Variants in GPR55 observed in about 807,000 individuals in gnomAD.
GPR55 encodes the protein G-protein coupled receptor 55.
Under a neutral mutation model 7.9 loss-of-function variants are expected in GPR55, and 6 were observed. The observed-to-expected ratio is 0.76, with a 90% confidence interval of 0.41 to 1.49. GPR55 has a LOEUF of 1.49. Among genes scored for constraint, GPR55 ranks in the 40% most tolerant of loss-of-function variants. GPR55 has a pLI of 0.01. For missense variants in GPR55, 376 were observed against 406.0 expected (o/e 0.93, Z 0.63); for synonymous variants, 183 against 166.8 (o/e 1.10, Z -0.75).
At chr2:230,932,884 C>G (rs2125062391) in intron 1 of GPR55, among the ~76,000 whole-genome samples, 1 of 152,210 alleles carries the variant, frequency 6.6e-6, no homozygotes, top group South Asian at 2.1e-4. Context: ...CTCTCTCTCT[C>G]TTGCATGCGC....
rs1476651458 is a variant in GPR55, at chr2:230,910,640, C to T, written c.323G>A (p.Ser108Asn). ...GCTGATGAAGCAGATGGTGAAGACG[C>T]TTCCGTACATGCTGACGAAGTAAAG... ...ECLYFVSMYG[S>N]VFTICFISMD... The change falls in exon 2 of 2, where the codon AGC becomes AAC. Residue 108 changes from serine to asparagine, a missense_variant. By Grantham distance (46) the Ser-to-Asn change is conservative. Coordinates refer to ENST00000650999, the MANE Select transcript of GPR55 (RefSeq NM_005683.4). The surrounding 1 kb of genome is among the most constrained non-coding windows in gnomAD (Gnocchi z 5.4). 4 of 1,613,958 alleles carry T rather than the reference C, an allele frequency of 2.5e-6. No homozygotes were observed. The East Asian group carries it at 6.7e-5, about 27-fold the overall frequency.
At chr2:230,914,834 A>G (rs1690673520) in intron 1 of GPR55, among the ~76,000 whole-genome samples, 1 of 152,218 alleles carries the variant, frequency 6.6e-6, no homozygotes, top group Non-Finnish European at 1.5e-5. Context: ...AGATGCTAAG[A>G]CAATGCTAGA....
intron 1 of GPR55, among the ~76,000 whole-genome samples, chr2:230,945,438 G>A (rs1691298440): frequency 6.6e-6 from 1 of 152,158 alleles, no homozygotes; most frequent in South Asian, 2.1e-4. Context: ...AAAAAGGGGT[G>A]ACTTGGAAAG....
intron 1 of GPR55, among the ~76,000 whole-genome samples, chr2:230,913,870 A>G (rs933130523): frequency 6.6e-6 from 1 of 152,244 alleles, no homozygotes; most frequent in Non-Finnish European, 1.5e-5. Context: ...AAGACCAGAA[A>G]CAGCAGAAAA....
At chr2:230,926,721 G>A (rs1259502269), upstream of GPR55, among the ~76,000 whole-genome samples, 4 of 123,440 alleles carry the variant, frequency 3.2e-5, no homozygotes, top group East Asian at 4.8e-4. Context: ...ACAGAGTCTC[G>A]CTCTGTTGCC....
intron 1 of GPR55, among the ~76,000 whole-genome samples, chr2:230,937,727 G>T (rs1691154753): frequency 6.6e-6 from 1 of 151,982 alleles, no homozygotes; most frequent in African/African-American, 2.4e-5. Flanking sequence ...TCTTGCCCTG[G>T]CTCATTCAAA....
upstream of GPR55, among the ~76,000 whole-genome samples, chr2:230,929,378 A>G (rs543343491): frequency 6.6e-6 from 1 of 152,276 alleles, no homozygotes; most frequent in East Asian, 1.9e-4. Context: ...AAGTGGGCCC[A>G]TGGTGGCTGA....
chr2:230,939,948 G>A (rs531690112), intron 1 of GPR55, among the ~76,000 whole-genome samples: 2 of 144,966 alleles, frequency 1.4e-5, no homozygotes, highest in South Asian at 2.1e-4. Context: ...TGGCGGGGGC[G>A]GGGACAGCTA....
chr2:230,950,064 G>A (rs572439908), intron 1 of GPR55, among the ~76,000 whole-genome samples: 4 of 152,310 alleles, frequency 2.6e-5, no homozygotes, highest in Middle Eastern at 3.4e-3. Flanking sequence ...GCCTGACATC[G>A]TGATCCACCC....
intron 1 of GPR55, among the ~76,000 whole-genome samples, chr2:230,936,581 A>G (rs553342680): frequency 4.4e-4 from 67 of 152,322 alleles, no homozygotes; most frequent in African/African-American, 1.5e-3. Context: ...AGTCTTGGGT[A>G]TGTGTTTATT....
At position 230,940,748 on chromosome 2, in the gene GPR55, C is replaced by T. The variant is rs116713633; in HGVS notation, c.-135+20027G>A. On this transcript the variant is annotated intron_variant, in intron 1 of 1. Transcript: ENST00000392039. ...GTGCTGCCTGCGTTTCTGGCCAGTC[C>T]AGGCTTTCCTTGCCTGCCCTGGGTG... 8.4e-3 allele frequency among the ~76,000 whole-genome samples: 1,281 copies of T among 152,294 alleles called. 23 individuals carry two copies. Among genetic ancestry groups the T allele is most frequent in the African/African-American group, 0.03 (1,227 of 41,546 alleles).
At chr2:230,936,378 A>T (rs904230256) in intron 1 of GPR55, among the ~76,000 whole-genome samples, 1 of 152,136 alleles carries the variant, frequency 6.6e-6, no homozygotes, top group African/African-American at 2.4e-5. Flanking sequence ...TGTTCTCATG[A>T]TAGTGAGTGA....
chr2:230,919,200 G>C (rs961635210), intron 1 of GPR55, among the ~76,000 whole-genome samples: 3 of 151,986 alleles, frequency 2.0e-5, no homozygotes, highest in African/African-American at 7.2e-5. Context: ...AGAAAAACTA[G>C]ATGAAAATTT....
chr2:230,929,031 A>G (rs1342864020), upstream of GPR55, among the ~76,000 whole-genome samples: 1 of 151,868 alleles, frequency 6.6e-6, no homozygotes, highest in Non-Finnish European at 1.5e-5. Flanking sequence ...TATTTTTTGT[A>G]AAAATAGAGA....
chr2:230,957,659 G>A, intron 1 of GPR55: 1 of 542,424 alleles, frequency 1.8e-6, no homozygotes, highest in Non-Finnish European at 3.8e-6. Flanking sequence ...AGGCATTTCA[G>A]GTGTTGAAAA....
At chr2:230,954,396 AAAG>A (rs1691448624) in intron 1 of GPR55, among the ~76,000 whole-genome samples, 1 of 152,260 alleles carries the variant, frequency 6.6e-6, no homozygotes, top group African/African-American at 2.4e-5. Flanking sequence ...TGTTGGATTT[AAAG>A]CTTGGCTTTC....
intron 1 of GPR55, among the ~76,000 whole-genome samples, chr2:230,950,913 C>T (rs183660148): frequency 2.0e-4 from 30 of 152,262 alleles, no homozygotes; most frequent in African/African-American, 5.5e-4. Context: ...TCCATAAAAA[C>T]CCCAAGAGGA....
chr2:230,960,392 T>C (rs1055917432), intron 1 of GPR55, among the ~76,000 whole-genome samples: 2 of 152,348 alleles, frequency 1.3e-5, no homozygotes, highest in African/African-American at 4.8e-5. Flanking sequence ...GGCAGAATCA[T>C]AGACCTGAAA....
intron 1 of GPR55, among the ~76,000 whole-genome samples, chr2:230,952,415 G>A (rs913354842): frequency 6.6e-6 from 1 of 152,252 alleles, no homozygotes; most frequent in Non-Finnish European, 1.5e-5. Context: ...GGCTCATTGT[G>A]AGCCCAGAGG....
Sources: allele counts gnomAD v4.1 joint callset (sites outside exome capture counted in the v4.1 genomes callset), GRCh38; gene constraint gnomAD v4.1.1; non-coding constraint Gnocchi (gnomAD v3.1); transcripts MANE v1.5; gene names NCBI Gene and HGNC (gene_info 2026-07-23, HGNC 2026-07-21).